The following ALCAM variants were observed in gnomAD, a reference collection of about 807,000 sequenced individuals.
The protein encoded by ALCAM is CD166 antigen.
ALCAM carries 30 observed loss-of-function variants against 70.9 expected under a neutral mutation model. The observed-to-expected ratio is 0.42, with a 90% CI of 0.32 to 0.57. The LOEUF (loss-of-function observed/expected upper bound fraction) is 0.57. ALCAM is among the 20% of genes least tolerant of loss of function. The pLI is 0.11. For missense variants in ALCAM, 591 were observed against 695.1 expected, an observed-to-expected ratio of 0.85 and a Z score of 1.68; for synonymous variants, 249 against 242.5, an observed-to-expected ratio of 1.03 and a Z score of -0.25.
chr3:105,547,150 A>G lies in ALCAM; in HGVS notation c.1106A>G (p.Asp369Gly), dbSNP rs564351291. 3.8e-6 allele frequency: 6 copies of G among 1,580,490 alleles called. No individual in the cohort carries two copies. The South Asian group carries it at 7.0e-5, about 19-fold the overall frequency. The stretch of plus-strand genomic sequence containing the variant: ...GTAATTTACTTTTTATTTAATCAGG[A>G]TAACATCAGGCTTCGATCTAGCCCG... ...SRNATVVWMK[D>G]NIRLRSSPSF... Residue 369 changes from aspartate (D) to glycine (G), a missense_variant and splice_region_variant, in exon 10 of 16, where the codon GAT (aspartate) becomes GGT (glycine). By Grantham distance (94) the Asp-to-Gly change is moderately conservative (BLOSUM62 -1). Coordinates refer to ENST00000306107, the MANE Select transcript of ALCAM (RefSeq NM_001627.4).
chr3:105,499,840 C>A (rs538923968), intron 1 of ALCAM, among the ~76,000 whole-genome samples: 4 of 152,220 alleles, frequency 2.6e-5, no homozygotes, highest in Non-Finnish European at 5.9e-5. Flanking sequence ...ATGGCTACCT[C>A]TTTCTTCTAC....
At position 105,550,237 on chromosome 3, in the gene ALCAM, A is replaced by G. The variant is rs552024644; in HGVS notation, c.1485A>G (p.Val495=). ...CTAENQLERT[V]NSLNVSAISI... ...CAGAAAACCAACTGGAGAGAACAGTAAACTCCTTGAATGTCTCTGCTAGTG... is the reference window on the plus strand; with the variant it reads ...CAGAAAACCAACTGGAGAGAACAGTGAACTCCTTGAATGTCTCTGCTAGTG... The change falls in exon 12 of 16, where the codon GTA becomes GTG. Residue 495 remains valine (V), a synonymous_variant. Coordinates refer to ENST00000306107, the MANE Select transcript of ALCAM (RefSeq NM_001627.4). 1.2e-6 allele frequency: 2 copies of G among 1,607,128 alleles called. No homozygotes were observed. Among genetic ancestry groups the G allele is most frequent in the South Asian group, 2.2e-5 (2 of 90,224 alleles).
At chr3:105,545,364 T>C (rs757990572) in intron 9 of ALCAM, 29 bp downstream of exon 9, 1 of 1,512,620 alleles carries the variant, frequency 6.6e-7, no homozygotes, top group Non-Finnish European at 9.2e-7. Context: ...ACTACCCTGC[T>C]GTTTGGTTTG....
At chr3:105,526,479 A>AC (rs1274898936) in intron 3 of ALCAM, among the ~76,000 whole-genome samples, 4 of 151,458 alleles carry the variant, frequency 2.6e-5, no homozygotes, top group Non-Finnish European at 5.9e-5. Context: ...TACCGCCAAC[A>AC]CCCCCCTACT....
chr3:105,370,788 CA>C (rs1935206538), intron 1 of ALCAM, among the ~76,000 whole-genome samples: 1 of 151,664 alleles, frequency 6.6e-6, no homozygotes, highest in Admixed American at 6.6e-5. Context: ...AAAGAGGACC[CA>C]AAAGTAAGAA....
At chr3:105,424,469 G>A (rs1490505099) in intron 1 of ALCAM, among the ~76,000 whole-genome samples, 1 of 151,658 alleles carries the variant, frequency 6.6e-6, no homozygotes, top group Admixed American at 6.6e-5. Context: ...AAGCATATTG[G>A]TGTTGAAATC....
chr3:105,496,920 G>C (rs1255557088), intron 1 of ALCAM, among the ~76,000 whole-genome samples: 1 of 151,546 alleles, frequency 6.6e-6, no homozygotes, highest in Non-Finnish European at 1.5e-5. Flanking sequence ...ATGAAGAAGT[G>C]TAATAAAATT....
intron 1 of ALCAM, among the ~76,000 whole-genome samples, chr3:105,374,815 G>C (rs1355064034): frequency 6.6e-6 from 1 of 152,156 alleles, no homozygotes; most frequent in Admixed American, 6.5e-5. Context: ...ACTGCACCGA[G>C]CCCAATGTGA....
intron 1 of ALCAM, among the ~76,000 whole-genome samples, chr3:105,461,894 A>G (rs1400568611): frequency 1.3e-5 from 2 of 151,684 alleles, no homozygotes; most frequent in South Asian, 2.1e-4. Context: ...TGCTGTATAC[A>G]TGCTTTCCCA....
intron 1 of ALCAM, among the ~76,000 whole-genome samples, chr3:105,421,888 T>TA (rs1400430937): frequency 1.3e-5 from 2 of 151,356 alleles, no homozygotes; most frequent in Non-Finnish European, 3.0e-5. Context: ...TTCTTTTTTT[T>TA]ACATGGGTGA....
chr3:105,491,032 G>T (rs1041024543), intron 1 of ALCAM, among the ~76,000 whole-genome samples: 1 of 152,206 alleles, frequency 6.6e-6, no homozygotes, highest in Non-Finnish European at 1.5e-5. Context: ...TGGACATCCA[G>T]GCATTTCCAT....
At chr3:105,431,213 C>A (rs1397027623) in intron 1 of ALCAM, among the ~76,000 whole-genome samples, 1 of 150,820 alleles carries the variant, frequency 6.6e-6, no homozygotes, top group Non-Finnish European at 1.5e-5. Context: ...TTGTATACAA[C>A]CATGAAACTC....
At position 105,367,096 on chromosome 3, in the gene ALCAM, A is replaced by G. The variant is rs1164525302; in HGVS notation, c.-313A>G. The stretch of plus-strand genomic sequence containing the variant: ...AATAAAAGAAGATACCAGCGAAAAG[A>G]ACCGCTTACACCTTTCCGAATTACT... On this transcript the variant is annotated 5_prime_UTR_variant, in exon 1 of 16. Transcript: ENST00000306107. 3 of 302,718 alleles carry G rather than the reference A, an allele frequency of 9.9e-6. No homozygotes were observed. The highest frequency in any genetic ancestry group is 1.9e-5 in the Non-Finnish European group (3 of 158,694). The allele number at this position is 302,718 out of a possible 1,614,324, so 18.8% of individuals were successfully genotyped here.
At chr3:105,439,434 A>G (rs1438541) in intron 1 of ALCAM, 100,090 of 151,736 alleles carry the variant, frequency 0.66, 33,387 homozygotes, top group East Asian at 0.93. Context: ...CTCCTATGTT[A>G]GTTTCTTATT....
At chr3:105,372,231 A>G (rs1935253838) in intron 1 of ALCAM, among the ~76,000 whole-genome samples, 1 of 152,120 alleles carries the variant, frequency 6.6e-6, no homozygotes, top group African/African-American at 2.4e-5. Context: ...TGGTAAGGTT[A>G]AATCTAAATC....
intron 1 of ALCAM, among the ~76,000 whole-genome samples, chr3:105,485,331 A>C (rs1347923114): frequency 6.6e-6 from 1 of 151,990 alleles, no homozygotes; most frequent in Non-Finnish European, 1.5e-5. Flanking sequence ...AAAGAAAGCT[A>C]GTAGATAATC....
At chr3:105,489,425 T>C (rs879328714) in intron 1 of ALCAM, among the ~76,000 whole-genome samples, 11 of 152,174 alleles carry the variant, frequency 7.2e-5, no homozygotes, top group Non-Finnish European at 8.8e-5. Context: ...GTCAGACTTT[T>C]GGCCATGTTG....
intron 1 of ALCAM, among the ~76,000 whole-genome samples, chr3:105,461,611 T>A (rs10433369): frequency 0.19 from 28,230 of 151,686 alleles, 2,840 homozygotes; most frequent in East Asian, 0.37. Flanking sequence ...ACTTGAGGAA[T>A]GATTGGCTAT....
chr3:105,480,705 T>G (rs367571565), intron 1 of ALCAM, among the ~76,000 whole-genome samples: 1 of 152,172 alleles, frequency 6.6e-6, no homozygotes, highest in Non-Finnish European at 1.5e-5. Context: ...AAAGCTAGAC[T>G]TTAGTTTTTT....
Sources: gnomAD v4.1 joint callset for allele counts (sites outside exome capture counted in the v4.1 genomes callset) on GRCh38, gnomAD v4.1.1 for gene constraint, MANE v1.5 for transcripts, NCBI Gene and HGNC (gene_info 2026-07-23, HGNC 2026-07-21) for gene names.